Variants in BTBD9 observed in about 807,000 individuals in gnomAD.
The protein encoded by BTBD9 is BTB domain containing 9, also known as BTB/POZ domain-containing protein 9.
Under a neutral mutation model 64.3 loss-of-function variants are expected in BTBD9, and 49 were observed. That is an observed-to-expected ratio of 0.76 (90% CI 0.61 to 0.97). BTBD9 has a LOEUF of 0.97. Ranked by LOEUF, BTBD9 falls within the 50% of genes least tolerant of loss-of-function variation. BTBD9 has a pLI of 0.00. For missense variants in BTBD9, 598 were observed against 762.1 expected (o/e 0.78, Z 2.53); for synonymous variants, 260 against 274.7 (o/e 0.95, Z 0.53).
chr6:38,269,793 A>G (rs1322450106), intron 8 of BTBD9, among the ~76,000 whole-genome samples: 2 of 152,202 alleles, frequency 1.3e-5, no homozygotes, highest in African/African-American at 2.4e-5. Flanking sequence ...CAGACAGGAA[A>G]AGCATTCCCT....
chr6:38,586,738 G>A lies in BTBD9; in HGVS notation c.814+5838C>T, dbSNP rs1776548770. Reference sequence around the variant, plus strand: ...TTTTCCCCTAACAGTGAAGAAATTTGATAAAAGAAAACAATGTCATGAATG... The same window carrying A: ...TTTTCCCCTAACAGTGAAGAAATTTAATAAAAGAAAACAATGTCATGAATG... On this transcript the variant is annotated intron_variant, in intron 4 of 10. Transcript: ENST00000481247. Among the ~76,000 whole-genome samples, 3 of 152,150 alleles carry A rather than the reference G, an allele frequency of 2.0e-5. No homozygotes were observed. In the South Asian group the frequency reaches 6.2e-4, roughly 32 times the overall value.
At chr6:38,251,332 T>C (rs1324243672) in intron 9 of BTBD9, among the ~76,000 whole-genome samples, 10 of 150,872 alleles carry the variant, frequency 6.6e-5, no homozygotes, top group African/African-American at 2.4e-4. Context: ...TGGCACAATC[T>C]TGGCTCACTG....
chr6:38,267,095 G>A (rs1322999668), intron 8 of BTBD9, among the ~76,000 whole-genome samples: 2 of 152,258 alleles, frequency 1.3e-5, no homozygotes, highest in South Asian at 2.1e-4. Context: ...GGATGTGTGA[G>A]AGGCAGAAAT....
chr6:38,633,438 G>A (rs1778426601), intron 1 of BTBD9, among the ~76,000 whole-genome samples: 1 of 152,114 alleles, frequency 6.6e-6, no homozygotes, highest in Non-Finnish European at 1.5e-5. Context: ...TATAGAAAGG[G>A]CCTTGCATAA....
chr6:38,524,055 TAGAGA>T (rs1448970502), intron 6 of BTBD9, among the ~76,000 whole-genome samples: 4 of 152,194 alleles, frequency 2.6e-5, no homozygotes, highest in Admixed American at 2.0e-4. Context: ...TCTCCCCAAT[TAGAGA>T]AATTTCTTAG....
In BTBD9 at chr6:38,174,667, G is replaced by C; in HGVS notation, c.*318C>G. The C allele has an allele frequency of 3.0e-6, 1 of 334,660 alleles. No homozygotes were observed. The highest frequency in any genetic ancestry group is 5.4e-6 in the Non-Finnish European group (1 of 184,100). 20.7% of individuals were successfully genotyped at this position (334,660 alleles called of 1,614,324 possible). A position where few individuals can be genotyped will look rare whatever the true frequency, so the allele number is the denominator to read the frequency against. On this transcript the variant is annotated 3_prime_UTR_variant, in exon 11 of 11. Coordinates refer to ENST00000481247, the MANE Select transcript of BTBD9 (RefSeq NM_001099272.2). ...GTGCCATTTTTGTATTCCAACACAG[G>C]CCTGTCTATGACTTCCTCCTGTTCC... is the stretch of plus-strand genomic sequence containing the variant.
At chr6:38,531,650 G>GTA in intron 6 of BTBD9, among the ~76,000 whole-genome samples, 2 of 152,292 alleles carry the variant, frequency 1.3e-5, no homozygotes, top group South Asian at 4.1e-4. Context: ...AAGACAGACA[G>GTA]TATAAGAAGA....
chr6:38,271,732 C>T (rs1208274182), intron 8 of BTBD9, among the ~76,000 whole-genome samples: 2 of 152,130 alleles, frequency 1.3e-5, no homozygotes, highest in Non-Finnish European at 1.5e-5. Flanking sequence ...AGAGTTATGG[C>T]GCCAAGGTAA....
intron 6 of BTBD9, among the ~76,000 whole-genome samples, chr6:38,526,565 G>A (rs553999337): frequency 9.8e-5 from 15 of 152,308 alleles, no homozygotes; most frequent in South Asian, 4.1e-4. Context: ...AGCTTGCACC[G>A]TGCACCTGGA....
At chr6:38,609,351 C>G (rs1241435328) in intron 1 of BTBD9, among the ~76,000 whole-genome samples, 2 of 152,110 alleles carry the variant, frequency 1.3e-5, no homozygotes, top group African/African-American at 4.8e-5. Flanking sequence ...GCCTGGATGA[C>G]AGGGCAAGAC....
intron 5 of BTBD9, 124 bp downstream of exon 5, chr6:38,580,093 CT>C: frequency 1.1e-6 from 1 of 903,470 alleles, no homozygotes; most frequent in South Asian, 1.9e-5. Context: ...CAAAACCAAC[CT>C]TCAAGAGATA....
At chr6:38,228,351 CAA>C (rs1554130232) in intron 9 of BTBD9, among the ~76,000 whole-genome samples, 17 of 28,290 alleles carry the variant, frequency 6.0e-4, no homozygotes, top group Admixed American at 1.2e-3. Flanking sequence ...TCCCCCCCCC[CAA>C]AAAAAAAAAA....
intron 7 of BTBD9, among the ~76,000 whole-genome samples, chr6:38,335,976 C>T (rs1330416497): frequency 6.6e-6 from 1 of 152,034 alleles, no homozygotes; most frequent in Non-Finnish European, 1.5e-5. Flanking sequence ...CTCAGGTGAT[C>T]CACCAAACCT....
Position 38,171,867 on chromosome 6 carries a change from AAAAAAAAAAAAAAAATAATAAT to A in BTBD9, c.*3096_*3117del, listed in dbSNP as rs1561821617. 8.7e-6 allele frequency: 1 copy of A among 114,708 alleles called. No homozygotes were observed. The highest frequency in any genetic ancestry group is 2.1e-4 in the East Asian group (1 of 4,664). The allele number at this position is 114,708 out of a possible 1,614,324, so 7.1% of individuals were successfully genotyped here. On this transcript the variant is annotated 3_prime_UTR_variant, in exon 11 of 11. Transcript: ENST00000481247. Reference sequence around the variant, plus strand: ...CTCTCAAAAAAAAAAAAAAAAAAAAAAAAAAAAAAAAAAAATAATAATAATAATAATAATAATAATAATGAAA... The same window carrying A: ...CTCTCAAAAAAAAAAAAAAAAAAAAAAATAATAATAATAATAATAATGAAA...
chr6:38,466,323 A>C (rs1445395678), intron 6 of BTBD9, among the ~76,000 whole-genome samples: 4 of 90,070 alleles, frequency 4.4e-5, no homozygotes, highest in African/African-American at 4.6e-5. Flanking sequence ...ATGGAGTTTC[A>C]CTCTTGTTGC....
At chr6:38,551,874 G>T (rs1334193665) in intron 6 of BTBD9, among the ~76,000 whole-genome samples, 1 of 152,186 alleles carries the variant, frequency 6.6e-6, no homozygotes, top group Non-Finnish European at 1.5e-5. Flanking sequence ...TGAAGGCAGG[G>T]TTTAAGGCAG....
intron 1 of BTBD9, among the ~76,000 whole-genome samples, chr6:38,617,870 T>C (rs1174583020): frequency 1.3e-5 from 2 of 152,172 alleles, no homozygotes; most frequent in Non-Finnish European, 2.9e-5. Context: ...TTTTTGAGAA[T>C]GCATCCGTAA....
rs1761719825 is a variant in BTBD9, at chr6:38,184,317, T to C, written c.1641+8202A>G. Among the ~76,000 whole-genome samples the C allele has an allele frequency of 6.6e-6, 1 of 152,210 alleles. No individual in the cohort carries two copies. On this transcript the variant is annotated intron_variant, in intron 10 of 10. Coordinates refer to ENST00000481247, the MANE Select transcript of BTBD9 (RefSeq NM_001099272.2). This position sits in a 1 kb window ranked among gnomAD's most constrained non-coding sequence, Gnocchi z 4.4. ...CTGCACTGCCTCCTCTCTGGCCCAGTACCTCGCATGCACCATACAGGGCCT... is the reference window on the plus strand; with the variant it reads ...CTGCACTGCCTCCTCTCTGGCCCAGCACCTCGCATGCACCATACAGGGCCT...
intron 6 of BTBD9, among the ~76,000 whole-genome samples, chr6:38,571,974 T>TCA (rs3047794): frequency 0.18 from 26,115 of 147,930 alleles, 2,681 homozygotes; most frequent in African/African-American, 0.3. Flanking sequence ...AAAGAAACAA[T>TCA]CACACACACA....
Sources: allele counts gnomAD v4.1 joint callset (sites outside exome capture counted in the v4.1 genomes callset), GRCh38; gene constraint gnomAD v4.1.1; non-coding constraint Gnocchi (gnomAD v3.1); transcripts MANE v1.5; gene names NCBI Gene and HGNC (gene_info 2026-07-23, HGNC 2026-07-21).